DOCK11: variants seen among roughly 807,000 people sequenced by gnomAD.
DOCK11 encodes the protein dedicator of cytokinesis protein 11.
A neutral mutation model predicts 169.1 loss-of-function variants in DOCK11; 70 were observed. The ratio of observed to expected loss-of-function variants is 0.41; its 90% CI spans 0.34 to 0.51. The LOEUF (loss-of-function observed/expected upper bound fraction) is 0.51. Ranked by LOEUF, DOCK11 falls within the 20% of genes least tolerant of loss-of-function variation. DOCK11 has a pLI of 0.10. For synonymous variants in DOCK11, 529 were observed against 541.3 expected (o/e 0.98, Z 0.32); for missense variants, 1,166 against 1,538.8 (o/e 0.76, Z 4.05).
At chrX:118,501,217 A>G (rs2057573917) in intron 1 of DOCK11, among the ~76,000 whole-genome samples, 1 of 111,925 alleles carries the variant, frequency 8.9e-6, no homozygotes, top group Non-Finnish European at 1.9e-5. Context: ...ATGGTGGCTC[A>G]CACCTGTAAT....
chrX:118,539,676 C>A (rs1212531359), intron 1 of DOCK11, among the ~76,000 whole-genome samples: 2 of 110,923 alleles, frequency 1.8e-5, no homozygotes, highest in African/African-American at 6.6e-5. Flanking sequence ...AATCATAACA[C>A]CACTTTGTAC....
chrX:118,571,035 T>C (rs1295912935), intron 10 of DOCK11, among the ~76,000 whole-genome samples: 3 of 112,082 alleles, frequency 2.7e-5, no homozygotes, highest in Non-Finnish European at 5.6e-5. Flanking sequence ...CTCTGTTAGC[T>C]GAGCTCAGTG....
At chrX:118,549,765 C>T (rs2012428933) in intron 6 of DOCK11, among the ~76,000 whole-genome samples, 1 of 110,258 alleles carries the variant, frequency 9.1e-6, no homozygotes. Context: ...TGGGGTCTCC[C>T]TATGTTGTGC....
intron 10 of DOCK11, 84 bp from the exon 11 acceptor site, chrX:118,572,239 A>AT: frequency 1.2e-6 from 1 of 867,827 alleles, no homozygotes; most frequent in South Asian, 3.5e-5. Flanking sequence ...GAACTGTTGG[A>AT]TTTTTGCCAT....
At chrX:118,606,081 AT>A (rs952643747) in intron 24 of DOCK11, among the ~76,000 whole-genome samples, 1,490 of 71,020 alleles carry the variant, frequency 0.021, 10 homozygotes, top group Middle Eastern at 0.065. Flanking sequence ...GAGGAACAGA[AT>A]TTTTTTTTTT....
chrX:118,577,417 A>G (rs988454923), intron 12 of DOCK11, among the ~76,000 whole-genome samples: 1 of 112,481 alleles, frequency 8.9e-6, no homozygotes, highest in African/African-American at 3.2e-5. Flanking sequence ...TGAAATCACT[A>G]CTATCCTGCT....
At chrX:118,552,359 T>C (rs2012527206) in intron 6 of DOCK11, among the ~76,000 whole-genome samples, 1 of 111,802 alleles carries the variant, frequency 8.9e-6, no homozygotes, top group African/African-American at 3.2e-5. Flanking sequence ...TGACTTGCAG[T>C]GCATTCAAGT....
chrX:118,508,801 T>C (rs34906264), intron 1 of DOCK11, among the ~76,000 whole-genome samples: 16,619 of 111,627 alleles, frequency 0.15, 941 homozygotes, highest in African/African-American at 0.2. Context: ...CGTCTGTCCC[T>C]GCTAAATGGT....
At chrX:118,500,789 G>GT (rs967707841) in intron 1 of DOCK11, among the ~76,000 whole-genome samples, 25 of 109,392 alleles carry the variant, frequency 2.3e-4, no homozygotes, top group Non-Finnish European at 3.4e-4. Context: ...CCCAGCTAAA[G>GT]TTTTTTTTGT....
chrX:118,602,085 C>T (rs755724278), intron 23 of DOCK11, among the ~76,000 whole-genome samples: 24 of 97,389 alleles, frequency 2.5e-4, no homozygotes, highest in South Asian at 5.2e-4. Context: ...CCACCATGCC[C>T]GGCCAAGACT....
chrX:118,549,179 T>C (rs2012401087), intron 6 of DOCK11, among the ~76,000 whole-genome samples: 2 of 101,485 alleles, frequency 2.0e-5, no homozygotes, highest in African/African-American at 8.8e-5. Context: ...CTCCTAGCTC[T>C]GTTGCACCAG....
chrX:118,521,407 G>T (rs10482483), intron 1 of DOCK11, among the ~76,000 whole-genome samples: 6,323 of 112,338 alleles, frequency 0.056, 436 homozygotes, highest in African/African-American at 0.19. Context: ...ATTCACCTCC[G>T]TGTGTAGTTT....
intron 1 of DOCK11, among the ~76,000 whole-genome samples, chrX:118,512,261 G>T (rs2057655311): frequency 8.9e-6 from 1 of 112,136 alleles, no homozygotes; most frequent in Non-Finnish European, 1.9e-5. Context: ...AGGAATGGTG[G>T]AAGGCAAGAC....
At chrX:118,631,534 CTG>C (rs1489555194) in intron 35 of DOCK11, among the ~76,000 whole-genome samples, 1 of 111,750 alleles carries the variant, frequency 8.9e-6, no homozygotes, top group Non-Finnish European at 1.9e-5. Flanking sequence ...TGTTCTAAAA[CTG>C]TGGTGAAGGT....
intron 1 of DOCK11, among the ~76,000 whole-genome samples, chrX:118,542,522 G>T (rs6645500): frequency 0.024 from 999 of 41,931 alleles, 9 homozygotes; most frequent in African/African-American, 0.079. Flanking sequence ...GTGTGTGTTT[G>T]TGTGTGTGTG....
chrX:118,582,845 G>C (rs1035186050), intron 14 of DOCK11, among the ~76,000 whole-genome samples: 1 of 112,134 alleles, frequency 8.9e-6, no homozygotes, highest in African/African-American at 3.2e-5. Context: ...GTGTAAATTA[G>C]TTTGACCATT....
intron 20 of DOCK11, among the ~76,000 whole-genome samples, chrX:118,595,275 T>C (rs768034643): frequency 9.0e-6 from 1 of 111,216 alleles, no homozygotes; most frequent in African/African-American, 3.3e-5. Context: ...AAGAAGAACA[T>C]ATTGGACCTG....
intron 1 of DOCK11, among the ~76,000 whole-genome samples, chrX:118,541,706 G>A (rs140584919): frequency 0.013 from 1,501 of 112,150 alleles, 29 homozygotes; most frequent in African/African-American, 0.046. Flanking sequence ...GCTTAGCACA[G>A]TGCCTGGCAT....
chrX:118,675,180 C>T (rs1233095141), intron 46 of DOCK11, among the ~76,000 whole-genome samples: 2 of 111,937 alleles, frequency 1.8e-5, no homozygotes, highest in African/African-American at 3.2e-5. Context: ...TCTGGAAGTG[C>T]GGAAAAACAT....
Sources: allele counts gnomAD v4.1 joint callset (sites outside exome capture counted in the v4.1 genomes callset), GRCh38; gene constraint gnomAD v4.1.1; transcripts MANE v1.5; gene names NCBI Gene and HGNC (gene_info 2026-07-23, HGNC 2026-07-21).